Variants in CCZ1B observed in about 807,000 individuals in gnomAD.
CCZ1B encodes CCZ1B vacuolar protein trafficking and biogenesis associated, also known as vacuolar fusion protein CCZ1 homolog B.
CCZ1B carries 25 observed loss-of-function variants against 58.8 expected under a neutral mutation model. That is an observed-to-expected ratio of 0.43 (90% CI 0.31 to 0.59). The LOEUF (loss-of-function observed/expected upper bound fraction) is 0.59, where lower values mean the gene tolerates loss of function less well. Ranked by LOEUF, CCZ1B falls within the 20% of genes least tolerant of loss-of-function variation. The pLI is 0.12. For missense variants in CCZ1B, 180 were observed against 501.5 expected (o/e 0.36, Z 6.12); for synonymous variants, 66 against 173.2 (o/e 0.38, Z 4.86).
chr7:6,812,198 G>A, intron 9 of CCZ1B, 135 bp from the exon 10 acceptor site: 1 of 992,944 alleles, frequency 1.0e-6, no homozygotes, highest in South Asian at 1.4e-5. Flanking sequence ...CACCATATCA[G>A]AATAGGCCGG....
intron 2 of CCZ1B, 37 bp downstream of exon 2, chr7:6,824,603 A>C (rs1056937383): frequency 6.2e-7 from 1 of 1,612,302 alleles, no homozygotes; most frequent in Admixed American, 1.7e-5. Flanking sequence ...AGTTTTAAGA[A>C]TTCACTGAAC....
intron 1 of CCZ1B, among the ~76,000 whole-genome samples, chr7:6,825,165 G>C (rs904208731): frequency 2.7e-5 from 4 of 149,130 alleles, no homozygotes; most frequent in African/African-American, 1.0e-4. Flanking sequence ...AGAAGTAAAG[G>C]TGTGCCCATC....
chr7:6,801,851 G>A (rs1201777987), intron 12 of CCZ1B, among the ~76,000 whole-genome samples: 3 of 112,194 alleles, frequency 2.7e-5, no homozygotes, highest in Admixed American at 1.1e-4. Flanking sequence ...AGGGATTACA[G>A]GCGTGAGCCC....
intron 1 of CCZ1B, among the ~76,000 whole-genome samples, chr7:6,825,641 C>CCACACACACACA (rs376938545): frequency 2.3e-5 from 2 of 87,306 alleles, no homozygotes; most frequent in East Asian, 4.4e-4. Context: ...CTCAGAAAAA[C>CCACACACACACA]CACACACACA....
chr7:6,803,961 A>C lies in CCZ1B; in HGVS notation c.1106+977T>G, dbSNP rs1168910771. Among the ~76,000 whole-genome samples the C allele has an allele frequency of 1.6e-4, 23 of 145,372 alleles. 1 individual carries two copies. Among genetic ancestry groups the C allele is most frequent in the Non-Finnish European group, 2.4e-4 (16 of 66,092 alleles). ...GACTCTGTCTTAAAAAAAAAAAAAA[A>C]ACCCAAAAAACAACGTATGAACATT... On this transcript the variant is annotated intron_variant, in intron 12 of 14. Transcript: ENST00000316731.
intron 7 of CCZ1B, among the ~76,000 whole-genome samples, chr7:6,815,225 G>A (rs1235015685): frequency 2.7e-5 from 4 of 147,082 alleles, no homozygotes; most frequent in Non-Finnish European, 4.5e-5. Flanking sequence ...GGAAGCAGTG[G>A]TGCGATCATG....
chr7:6,819,051 G>A (rs1039594174), intron 7 of CCZ1B, among the ~76,000 whole-genome samples: 3 of 144,394 alleles, frequency 2.1e-5, no homozygotes, highest in Non-Finnish European at 4.5e-5. Flanking sequence ...TTGGGAGGCT[G>A]AGGCGGGTGG....
chr7:6,813,801 TTGTTTTA>T (rs1452664884), intron 8 of CCZ1B, among the ~76,000 whole-genome samples: 1 of 148,364 alleles, frequency 6.7e-6, no homozygotes, highest in African/African-American at 2.6e-5. Context: ...CACAGGTTGA[TTGTTTTA>T]AAGATCACTG....
intron 7 of CCZ1B, among the ~76,000 whole-genome samples, chr7:6,818,891 A>C (rs1783063017): frequency 6.7e-6 from 1 of 148,516 alleles, no homozygotes; most frequent in Non-Finnish European, 1.5e-5. Context: ...TCTTGTGCCC[A>C]CGTTGTTCCT....
chr7:6,812,748 C>A (rs1174756349), intron 9 of CCZ1B, among the ~76,000 whole-genome samples: 1 of 151,014 alleles, frequency 6.6e-6, no homozygotes, highest in Non-Finnish European at 1.5e-5. Context: ...CATGATGAAA[C>A]CCTGTTTCTA....
At chr7:6,821,384 G>A (rs1783107769) in intron 6 of CCZ1B, among the ~76,000 whole-genome samples, 1 of 152,176 alleles carries the variant, frequency 6.6e-6, no homozygotes, top group Admixed American at 6.5e-5. Flanking sequence ...ATATGTTGAC[G>A]GGTAAGAGAG....
rs1782972154 is a variant in CCZ1B at position 6,814,758 on chromosome 7, T to C, written c.780+6A>G. On this transcript the variant is annotated splice_donor_region_variant and intron_variant, in intron 8 of 14. Coordinates refer to ENST00000316731, the MANE Select transcript of CCZ1B (RefSeq NM_198097.5). ...TAATTGTGTGCAGCTATGGTACCCA[T>C]CATACCTCAGGTTCGATGTGCCTTG... The C allele has an allele frequency of 6.2e-7, 1 of 1,604,926 alleles. No individual in the cohort carries two copies. Among genetic ancestry groups the C allele is most frequent in the Non-Finnish European group, 8.5e-7 (1 of 1,176,462 alleles).
rs1018792965 is a variant in CCZ1B, at chr7:6,822,145, G to T, written c.522+136C>A. ...CGTTTCCTCGCTGCTCCAGTTTTGC[G>T]ACGGTCTGTCTCAGGCTCTTTGCCA... is the stretch of plus-strand genomic sequence containing the variant. On this transcript the variant is annotated intron_variant, in intron 6 of 14. Transcript: ENST00000316731. 23 of 1,332,338 alleles carry T rather than the reference G, an allele frequency of 1.7e-5. No individual in the cohort carries two copies. In the Admixed American group the frequency reaches 2.1e-4, roughly 12 times the overall value. 82.5% of individuals were successfully genotyped at this position (1,332,338 alleles called of 1,614,324 possible).
intron 8 of CCZ1B, among the ~76,000 whole-genome samples, chr7:6,813,826 A>C (rs1782955434): frequency 2.2e-5 from 3 of 137,064 alleles, no homozygotes; most frequent in Non-Finnish European, 4.6e-5. Context: ...CTGGCATTTT[A>C]AAGGTTTCTA....
chr7:6,823,470 A>G, intron 4 of CCZ1B, 110 bp from the exon 5 acceptor site: 1 of 1,469,036 alleles, frequency 6.8e-7, no homozygotes, highest in East Asian at 2.3e-5. Flanking sequence ...ATGTTTATAA[A>G]CTTCATCCCA....
At position 6,815,652 on chromosome 7, in the gene CCZ1B, G is replaced by A. The variant is rs1370398701; in HGVS notation, c.699-807C>T. ...ATATCAAGAGGCTCACCACCTGACC[G>A]CGAAGTTAAGGAAGGTAAAGAGTTA... is the stretch of plus-strand genomic sequence containing the variant. On this transcript the variant is annotated intron_variant, in intron 7 of 14. Transcript: ENST00000316731. Among the ~76,000 whole-genome samples, 5 of 148,736 alleles carry A rather than the reference G, an allele frequency of 3.4e-5. 1 individual carries two copies. Among genetic ancestry groups the A allele is most frequent in the East Asian group, 3.9e-4 (2 of 5,194 alleles).
intron 10 of CCZ1B, among the ~76,000 whole-genome samples, chr7:6,807,681 CAAAT>C (rs1390418350): frequency 4.4e-5 from 6 of 136,364 alleles, no homozygotes; most frequent in Non-Finnish European, 7.9e-5. Context: ...GCCGACAAAT[CAAAT>C]AAATTAATTG....
intron 5 of CCZ1B, 145 bp downstream of exon 5, chr7:6,823,168 G>A (rs1354177848): frequency 2.5e-6 from 2 of 801,926 alleles, no homozygotes; most frequent in Non-Finnish European, 3.9e-6. Context: ...CTCACTACCT[G>A]TTTCAAAGGC....
intron 7 of CCZ1B, among the ~76,000 whole-genome samples, chr7:6,816,005 AAG>A (rs1195852983): frequency 6.9e-5 from 10 of 145,006 alleles, no homozygotes; most frequent in African/African-American, 2.4e-4. Flanking sequence ...TCGGTGAAGA[AAG>A]AGGAGGAAGA....
Sources: gnomAD v4.1 joint callset for allele counts (sites outside exome capture counted in the v4.1 genomes callset) on GRCh38, gnomAD v4.1.1 for gene constraint, MANE v1.5 for transcripts, NCBI Gene and HGNC (gene_info 2026-07-23, HGNC 2026-07-21) for gene names.